Variants in COL25A1 observed in about 807,000 individuals in gnomAD.
COL25A1 encodes collagen type XXV alpha 1 chain, also known as collagen alpha-1(XXV) chain.
A neutral mutation model predicts 128.4 loss-of-function variants in COL25A1; 103 were observed. The observed-to-expected ratio is 0.80, with a 90% CI of 0.68 to 0.94. The LOEUF is 0.94. Ranked by LOEUF, COL25A1 falls within the 40% of genes least tolerant of loss-of-function variation. COL25A1 has a pLI of 0.00. For synonymous variants in COL25A1, 279 were observed against 277.2 expected, an observed-to-expected ratio of 1.01 and a Z score of -0.06; for missense variants, 745 against 840.0, an observed-to-expected ratio of 0.89 and a Z score of 1.40.
chr4:109,228,409 T>C (rs1778944917), intron 3 of COL25A1, among the ~76,000 whole-genome samples: 1 of 152,178 alleles, frequency 6.6e-6, no homozygotes. Flanking sequence ...TTACCTAACA[T>C]GATGCAACTG....
chr4:109,152,108 A>AG (rs397718503), intron 3 of COL25A1, among the ~76,000 whole-genome samples: 2 of 151,748 alleles, frequency 1.3e-5, no homozygotes, highest in Non-Finnish European at 2.9e-5. Flanking sequence ...AAAAAAAAAA[A>AG]GTGGCATTTA....
chr4:108,982,866 T>C (rs1465034088), intron 6 of COL25A1, among the ~76,000 whole-genome samples: 1 of 152,232 alleles, frequency 6.6e-6, no homozygotes, highest in Non-Finnish European at 1.5e-5. Flanking sequence ...AGGGACTATA[T>C]GTGCCCATGA....
chr4:109,179,493 G>A (rs1409742851), intron 3 of COL25A1, among the ~76,000 whole-genome samples: 1 of 152,180 alleles, frequency 6.6e-6, no homozygotes, highest in Non-Finnish European at 1.5e-5. Flanking sequence ...CAAACCCCCT[G>A]TTAGAAACCT....
intron 3 of COL25A1, among the ~76,000 whole-genome samples, chr4:109,284,813 A>G (rs1560980870): frequency 6.6e-6 from 1 of 150,540 alleles, no homozygotes; most frequent in Non-Finnish European, 1.5e-5. Flanking sequence ...GGTAGTCTTG[A>G]ATTTGTCCCC....
At chr4:109,060,120 T>G (rs1761827757) in intron 3 of COL25A1, among the ~76,000 whole-genome samples, 1 of 152,194 alleles carries the variant, frequency 6.6e-6, no homozygotes. Context: ...TTCAGAACGT[T>G]TATAATGTAG....
intron 3 of COL25A1, among the ~76,000 whole-genome samples, chr4:109,083,761 G>A (rs190071772): frequency 1.1e-4 from 16 of 152,006 alleles, no homozygotes; most frequent in Admixed American, 3.3e-4. Flanking sequence ...CACCGCGTCC[G>A]GCCTAAATAA....
At chr4:108,826,989 A>G (rs1578464814) in intron 33 of COL25A1, 146 bp downstream of exon 33, 8 of 711,722 alleles carry the variant, frequency 1.1e-5, no homozygotes, top group East Asian at 8.1e-5. Context: ...TGTGAAGGAC[A>G]TGGAAGTACT....
intron 3 of COL25A1, among the ~76,000 whole-genome samples, chr4:109,240,971 C>T (rs1578523584): frequency 6.6e-6 from 1 of 151,982 alleles, no homozygotes; most frequent in African/African-American, 2.4e-5. Context: ...TTTGCTTTTC[C>T]TAAAGTCAAT....
chr4:108,863,441 C>T, intron 20 of COL25A1, 54 bp from the exon 21 acceptor site: 1 of 1,452,406 alleles, frequency 6.9e-7, no homozygotes, highest in East Asian at 2.3e-5. Context: ...CAGGCTGGTC[C>T]CTGTAGATTA....
intron 3 of COL25A1, among the ~76,000 whole-genome samples, chr4:109,225,559 A>G (rs1166009345): frequency 6.6e-6 from 1 of 152,204 alleles, no homozygotes; most frequent in Non-Finnish European, 1.5e-5. Context: ...GCAAAGAACT[A>G]AAAAGAGAAC....
At chr4:109,195,869 C>A (rs547530046) in intron 3 of COL25A1, among the ~76,000 whole-genome samples, 2 of 152,106 alleles carry the variant, frequency 1.3e-5, no homozygotes, top group Admixed American at 1.3e-4. Context: ...ACAAGTCAAC[C>A]CATATGTTTT....
intron 3 of COL25A1, among the ~76,000 whole-genome samples, chr4:109,130,107 T>C (rs917238218): frequency 2.0e-5 from 3 of 151,628 alleles, no homozygotes; most frequent in African/African-American, 7.2e-5. Context: ...TAAATCCATC[T>C]TTCCACAGAA....
intron 32 of COL25A1, among the ~76,000 whole-genome samples, chr4:108,831,715 A>C (rs937733967): frequency 1.9e-3 from 256 of 135,472 alleles, no homozygotes; most frequent in Non-Finnish European, 3.2e-3. Context: ...AGAGAGAGAG[A>C]GCGCATGCAT....
chr4:109,182,165 T>C (rs1392754721), intron 3 of COL25A1, among the ~76,000 whole-genome samples: 2 of 152,116 alleles, frequency 1.3e-5, no homozygotes, highest in Non-Finnish European at 2.9e-5. Flanking sequence ...AACATGGAAA[T>C]GCAGATATCT....
At chr4:108,996,447 T>C (rs567092941) in intron 6 of COL25A1, among the ~76,000 whole-genome samples, 3 of 152,028 alleles carry the variant, frequency 2.0e-5, no homozygotes, top group Non-Finnish European at 4.4e-5. Flanking sequence ...ATGCACCCAA[T>C]AGAGGAGCAC....
chr4:109,051,337 A>G (rs1452078510), intron 3 of COL25A1, among the ~76,000 whole-genome samples: 1 of 152,176 alleles, frequency 6.6e-6, no homozygotes, highest in African/African-American at 2.4e-5. Flanking sequence ...CTTACACAGA[A>G]TAAGTCTGAC....
chr4:109,130,118 TATAC>T (rs78363418), intron 3 of COL25A1, among the ~76,000 whole-genome samples: 11,923 of 151,982 alleles, frequency 0.078, 643 homozygotes, highest in East Asian at 0.28. Flanking sequence ...TTCCACAGAA[TATAC>T]ATACATACAT....
intron 3 of COL25A1, among the ~76,000 whole-genome samples, chr4:109,273,306 G>T (rs774055178): frequency 6.6e-6 from 1 of 151,876 alleles, no homozygotes; most frequent in East Asian, 1.9e-4. Flanking sequence ...AAAATTAATC[G>T]TGTAAAAAAT....
chr4:109,001,727 C>T (rs1327641307), intron 6 of COL25A1, among the ~76,000 whole-genome samples: 5 of 152,130 alleles, frequency 3.3e-5, no homozygotes, highest in Non-Finnish European at 5.9e-5. Flanking sequence ...ATTTAAATGC[C>T]TCATGTTTAA....
Sources: gnomAD v4.1 joint callset for allele counts (sites outside exome capture counted in the v4.1 genomes callset) on GRCh38, gnomAD v4.1.1 for gene constraint, MANE v1.5 for transcripts, NCBI Gene and HGNC (gene_info 2026-07-23, HGNC 2026-07-21) for gene names.